CTNNA3: variants seen among roughly 807,000 people sequenced by gnomAD.
The protein encoded by CTNNA3 is catenin alpha-3.
A neutral mutation model predicts 95.7 loss-of-function variants in CTNNA3; 76 were observed. The observed-to-expected ratio is 0.79, with a 90% confidence interval of 0.66 to 0.96. The LOEUF (loss-of-function observed/expected upper bound fraction) is 0.96. CTNNA3 is among the 40% of genes least tolerant of loss of function. The probability of loss-of-function intolerance (pLI) is 0.00; values close to 1 mark genes in which losing one functional copy is unlikely to be tolerated. For missense variants in CTNNA3, 1,191 were observed against 1,089.8 expected (o/e 1.09, Z -1.31); for synonymous variants, 431 against 374.4 (o/e 1.15, Z -1.74).
chr10:65,960,354 C>T (rs2077817932), intron 17 of CTNNA3, among the ~76,000 whole-genome samples: 1 of 151,960 alleles, frequency 6.6e-6, no homozygotes, highest in Admixed American at 6.6e-5. Flanking sequence ...GAAACCCCGT[C>T]TCTACTAAAA....
intron 5 of CTNNA3, among the ~76,000 whole-genome samples, chr10:67,359,319 T>C (rs1476410972): frequency 1.3e-5 from 2 of 150,924 alleles, no homozygotes; most frequent in African/African-American, 2.4e-5. Flanking sequence ...CTCTGGTAAT[T>C]AAAAAAGTCA....
intron 10 of CTNNA3, among the ~76,000 whole-genome samples, chr10:66,612,252 T>G (rs932866549): frequency 1.3e-5 from 2 of 152,144 alleles, no homozygotes; most frequent in East Asian, 1.9e-4. Flanking sequence ...GACTTCTGCA[T>G]GTAATATTCA....
chr10:66,011,049 G>C (rs758303986), intron 15 of CTNNA3, among the ~76,000 whole-genome samples: 14 of 152,160 alleles, frequency 9.2e-5, no homozygotes, highest in Non-Finnish European at 1.8e-4. Context: ...CCTCATTCTG[G>C]CTAATCTTGT....
chr10:67,688,451 C>T (rs1259030177), intron 1 of CTNNA3, among the ~76,000 whole-genome samples: 1 of 152,022 alleles, frequency 6.6e-6, no homozygotes, highest in South Asian at 2.1e-4. Context: ...GTTGTGTATT[C>T]TCCTTCAATG....
At chr10:66,987,630 T>C (rs1850807657) in intron 7 of CTNNA3, among the ~76,000 whole-genome samples, 1 of 152,196 alleles carries the variant, frequency 6.6e-6, no homozygotes, top group Admixed American at 6.6e-5. Context: ...AAATGTCTTG[T>C]CCTTAAGCTT....
chr10:66,884,383 T>C (rs184070229), intron 7 of CTNNA3, among the ~76,000 whole-genome samples: 137 of 152,104 alleles, frequency 9.0e-4, no homozygotes, highest in African/African-American at 2.9e-3. Flanking sequence ...ATGAAGAGAA[T>C]ATGGAGGAAT....
chr10:67,754,998 G>A (rs2131752081), intron 1 of CTNNA3, among the ~76,000 whole-genome samples: 1 of 152,150 alleles, frequency 6.6e-6, no homozygotes, highest in East Asian at 1.9e-4. Context: ...AGAAGTTTGA[G>A]ACCAGCCTGG....
chr10:67,231,219 G>A (rs1439227269), intron 5 of CTNNA3, among the ~76,000 whole-genome samples: 1 of 152,244 alleles, frequency 6.6e-6, no homozygotes, highest in Non-Finnish European at 1.5e-5. Context: ...ACCTCTGGGG[G>A]CAGCGCACAG....
intron 5 of CTNNA3, among the ~76,000 whole-genome samples, chr10:67,326,184 G>T (rs1841531917): frequency 6.6e-6 from 1 of 152,022 alleles, no homozygotes; most frequent in African/African-American, 2.4e-5. Context: ...TATCTAACTT[G>T]CCACTCTGTG....
intron 5 of CTNNA3, among the ~76,000 whole-genome samples, chr10:67,394,247 AGTATTTAAGGTACACC>A (rs910049682): frequency 6.6e-6 from 1 of 151,996 alleles, no homozygotes; most frequent in Non-Finnish European, 1.5e-5. Flanking sequence ...TTTATATCTC[AGTATTTAAGGTACACC>A]GTATCAATAA....
chr10:67,350,946 T>C (rs2132643478), intron 5 of CTNNA3, among the ~76,000 whole-genome samples: 1 of 148,234 alleles, frequency 6.7e-6, no homozygotes, highest in East Asian at 2.0e-4. Context: ...TATTCATAAT[T>C]ACCAAAAGCT....
intron 12 of CTNNA3, among the ~76,000 whole-genome samples, chr10:66,366,123 C>T (rs2092709683): frequency 6.6e-6 from 1 of 152,076 alleles, no homozygotes. Flanking sequence ...AGGATAATGT[C>T]TGTTGCAGTT....
chr10:67,747,661 C>T (rs748126431), intron 1 of CTNNA3, among the ~76,000 whole-genome samples: 21 of 152,142 alleles, frequency 1.4e-4, no homozygotes, highest in African/African-American at 3.1e-4. Flanking sequence ...AAAGAATCAA[C>T]GAAAAAACGC....
At chr10:66,268,352 A>G (rs1175868973) in intron 13 of CTNNA3, among the ~76,000 whole-genome samples, 1 of 152,150 alleles carries the variant, frequency 6.6e-6, no homozygotes, top group Non-Finnish European at 1.5e-5. Context: ...AAAAGGCAAT[A>G]TGGCGTGTGC....
chr10:66,119,940 T>C (rs1024804122), intron 13 of CTNNA3, among the ~76,000 whole-genome samples: 3 of 152,182 alleles, frequency 2.0e-5, no homozygotes, highest in Admixed American at 1.3e-4. Flanking sequence ...GCCTTCTTTA[T>C]GTTCTATATT....
intron 10 of CTNNA3, among the ~76,000 whole-genome samples, chr10:66,528,251 C>A (rs935456059): frequency 6.6e-6 from 1 of 152,088 alleles, no homozygotes; most frequent in African/African-American, 2.4e-5. Context: ...CCCATTCTAT[C>A]TTCTTTAGGC....
chr10:67,360,147 G>A (rs2132667481), intron 5 of CTNNA3, among the ~76,000 whole-genome samples: 1 of 152,034 alleles, frequency 6.6e-6, no homozygotes. Flanking sequence ...TTCTGGACAA[G>A]CAAACACTAA....
chr10:67,762,199 AAAAAG>A (rs201054643), intron 1 of CTNNA3, among the ~76,000 whole-genome samples: 2,686 of 137,018 alleles, frequency 0.02, 69 homozygotes, highest in Non-Finnish European at 0.019. Flanking sequence ...AAAAAAAAAA[AAAAAG>A]ATTATTTCAC....
rs192626926 is a variant in CTNNA3, at chr10:66,570,538, C to T, written c.1375-49765G>A. On this transcript the variant is annotated intron_variant, in intron 10 of 17. Coordinates refer to ENST00000433211, the MANE Select transcript of CTNNA3 (RefSeq NM_013266.4). ...TCTTGACCTCGTGATCCACCCACCT[C>T]GGCCTCCCAAGGTGCTGGGATTACA... is the stretch of plus-strand genomic sequence containing the variant. 5.2e-3 allele frequency among the ~76,000 whole-genome samples: 792 copies of T among 152,150 alleles called. 8 individuals are homozygous for T. The highest frequency in any genetic ancestry group is 0.045 in the South Asian group (217 of 4,814).
Sources: gnomAD v4.1 joint callset for allele counts (sites outside exome capture counted in the v4.1 genomes callset) on GRCh38, gnomAD v4.1.1 for gene constraint, MANE v1.5 for transcripts, NCBI Gene and HGNC (gene_info 2026-07-23, HGNC 2026-07-21) for gene names.